The following CAMTA1 variants were observed in gnomAD, a reference collection of about 807,000 sequenced individuals.
CAMTA1 encodes the protein calmodulin-binding transcription activator 1.
CAMTA1 carries 27 observed loss-of-function variants against 170.9 expected under a neutral mutation model. That is an observed-to-expected ratio of 0.16 (90% CI 0.12 to 0.22). The LOEUF (loss-of-function observed/expected upper bound fraction) is 0.22, where lower values mean the gene tolerates loss of function less well. CAMTA1 is among the 10% of genes least tolerant of loss of function. CAMTA1 has a pLI of 1.00. For synonymous variants in CAMTA1, 833 were observed against 891.5 expected, an observed-to-expected ratio of 0.93 and a Z score of 1.17; for missense variants, 1,619 against 2,217.2, an observed-to-expected ratio of 0.73 and a Z score of 5.42.
At chr1:6,857,223 C>G (rs1662773951) in intron 3 of CAMTA1, among the ~76,000 whole-genome samples, 1 of 152,080 alleles carries the variant, frequency 6.6e-6, no homozygotes, top group Admixed American at 6.5e-5. Context: ...CTGGAGATAA[C>G]TGGATGGCTT....
rs142593162 is a variant in CAMTA1 at position 7,026,777 on chromosome 1, C to T, written c.235-64527C>T. 6.4e-3 allele frequency among the ~76,000 whole-genome samples: 968 copies of T among 151,884 alleles called. 8 individuals carry two copies. The highest frequency in any genetic ancestry group is 0.022 in the African/African-American group (899 of 41,410). On this transcript the variant is annotated intron_variant, in intron 3 of 22. Coordinates refer to ENST00000303635, the MANE Select transcript of CAMTA1 (RefSeq NM_015215.4). ...TCCCAAGTAGCTGGGACTACAAGCA[C>T]GTGCCACCACATCCAGCTAATTTTT...
chr1:7,499,275 T>C (rs548607087), intron 6 of CAMTA1, among the ~76,000 whole-genome samples: 1 of 117,240 alleles, frequency 8.5e-6, no homozygotes, highest in Admixed American at 9.0e-5. Flanking sequence ...GTAGAGAGGA[T>C]GGTGTGAGCC....
chr1:7,008,190 T>C (rs904287782), intron 3 of CAMTA1, among the ~76,000 whole-genome samples: 1 of 152,108 alleles, frequency 6.6e-6, no homozygotes, highest in African/African-American at 2.4e-5. Context: ...AGGAGGTTCT[T>C]AGAGAACCAT....
chr1:7,447,705 C>T (rs2092715194), intron 5 of CAMTA1, among the ~76,000 whole-genome samples: 1 of 152,156 alleles, frequency 6.6e-6, no homozygotes, highest in Admixed American at 6.5e-5. Context: ...CTCTCGTCCA[C>T]CCGAGTGCTT....
chr1:7,194,679 GGA>G (rs1198365462), intron 4 of CAMTA1, among the ~76,000 whole-genome samples: 1 of 152,170 alleles, frequency 6.6e-6, no homozygotes, highest in Non-Finnish European at 1.5e-5. Flanking sequence ...AAGCTGAAAG[GGA>G]GAGGGCAGGA....
At chr1:7,515,076 T>C (rs2094262862) in intron 6 of CAMTA1, among the ~76,000 whole-genome samples, 2 of 150,562 alleles carry the variant, frequency 1.3e-5, no homozygotes, top group Non-Finnish European at 1.5e-5. Context: ...ATCAGGCTGG[T>C]CCTCCCCGGC....
In CAMTA1 at chr1:7,749,539, T is replaced by TA. The variant is rs59861377; in HGVS notation, c.4690-1649dup. 2.5e-3 allele frequency among the ~76,000 whole-genome samples: 360 copies of TA among 145,558 alleles called. 3 individuals are homozygous for TA. The highest frequency in any genetic ancestry group is 6.4e-3 in the African/African-American group (253 of 39,814). Reference sequence around the variant, plus strand: ...ATTCCAAAATATGAGTTTGGTTTTTTAAAAAAAAAAACCCTCCCCAGAAAC... The same window carrying TA: ...ATTCCAAAATATGAGTTTGGTTTTTTAAAAAAAAAAAACCCTCCCCAGAAAC... On this transcript the variant is annotated intron_variant, in intron 19 of 22. Transcript: ENST00000303635.
chr1:7,244,997 A>T (rs576368101), intron 4 of CAMTA1, among the ~76,000 whole-genome samples: 3 of 151,974 alleles, frequency 2.0e-5, no homozygotes, highest in Non-Finnish European at 2.9e-5. Flanking sequence ...ATGTTTTTGC[A>T]TGAATCAAAA....
At chr1:6,871,564 A>T (rs988066465) in intron 3 of CAMTA1, among the ~76,000 whole-genome samples, 3 of 150,802 alleles carry the variant, frequency 2.0e-5, no homozygotes, top group Non-Finnish European at 4.4e-5. Context: ...TTTAGGTTTT[A>T]ATGATTGAAT....
intron 6 of CAMTA1, among the ~76,000 whole-genome samples, chr1:7,523,740 G>C (rs191851484): frequency 1.3e-5 from 2 of 150,884 alleles, no homozygotes; most frequent in African/African-American, 2.4e-5. Context: ...AAAATTAGCC[G>C]GGCGTGGTAG....
chr1:7,452,713 G>A (rs1280798503), intron 5 of CAMTA1, among the ~76,000 whole-genome samples: 1 of 152,174 alleles, frequency 6.6e-6, no homozygotes, highest in Non-Finnish European at 1.5e-5. Context: ...TTCCCCTCTC[G>A]GGGTGGATAA....
chr1:6,891,919 A>G (rs927923245), intron 3 of CAMTA1, among the ~76,000 whole-genome samples: 2 of 152,162 alleles, frequency 1.3e-5, no homozygotes, highest in South Asian at 2.1e-4. Flanking sequence ...CTCCCTTTTC[A>G]TGAACCTGAA....
At chr1:6,902,074 A>ACACACACACAC (rs1553180447) in intron 3 of CAMTA1, among the ~76,000 whole-genome samples, 1,273 of 75,646 alleles carry the variant, frequency 0.017, 9 homozygotes, top group African/African-American at 0.03. Context: ...CACACACACA[A>ACACACACACAC]AAAAAAAAAT....
chr1:7,417,725 C>T (rs574176152), intron 5 of CAMTA1, among the ~76,000 whole-genome samples: 173 of 152,294 alleles, frequency 1.1e-3, no homozygotes, highest in African/African-American at 4.0e-3. Flanking sequence ...TTGTACTTCC[C>T]GAGTGAGGCA....
intron 6 of CAMTA1, among the ~76,000 whole-genome samples, chr1:7,624,788 G>A (rs563260125): frequency 2.6e-4 from 40 of 152,358 alleles, no homozygotes; most frequent in Non-Finnish European, 4.4e-4. Context: ...GTGCCAGCCA[G>A]CCTGAAGATC....
At chr1:7,269,930 CAA>C (rs1190709916) in intron 5 of CAMTA1, among the ~76,000 whole-genome samples, 1 of 152,010 alleles carries the variant, frequency 6.6e-6, no homozygotes, top group South Asian at 2.1e-4. Context: ...AAACCAGCAA[CAA>C]AGAGGAAATC....
chr1:7,478,611 G>C (rs966168895), intron 6 of CAMTA1, among the ~76,000 whole-genome samples: 1 of 152,194 alleles, frequency 6.6e-6, no homozygotes, highest in African/African-American at 2.4e-5. Flanking sequence ...TCCTTCCGTC[G>C]GCAGAGGGGT....
At chr1:7,397,114 T>G (rs2089378262) in intron 5 of CAMTA1, among the ~76,000 whole-genome samples, 1 of 152,212 alleles carries the variant, frequency 6.6e-6, no homozygotes, top group Admixed American at 6.5e-5. Context: ...AATGAAGTCA[T>G]CAGGTCCTGG....
intron 6 of CAMTA1, among the ~76,000 whole-genome samples, chr1:7,521,772 C>T (rs559448771): frequency 6.6e-6 from 1 of 152,318 alleles, no homozygotes; most frequent in African/African-American, 2.4e-5. Flanking sequence ...TGGTCTTGAA[C>T]TCCTGACCTC....
Sources: allele counts gnomAD v4.1 joint callset (sites outside exome capture counted in the v4.1 genomes callset), GRCh38; gene constraint gnomAD v4.1.1; transcripts MANE v1.5; gene names NCBI Gene and HGNC (gene_info 2026-07-23, HGNC 2026-07-21).